Variants in RGS6 observed in about 807,000 individuals in gnomAD.
The protein encoded by RGS6 is regulator of G protein signaling 6, also known as regulator of G-protein signaling 6.
RGS6 carries 30 observed loss-of-function variants against 78.5 expected under a neutral mutation model. The ratio of observed to expected loss-of-function variants is 0.38; its 90% CI spans 0.29 to 0.52. RGS6 has a LOEUF of 0.52. RGS6 is among the 20% of genes least tolerant of loss of function. The probability of loss-of-function intolerance (pLI) is 0.85; values close to 1 mark genes in which losing one functional copy is unlikely to be tolerated. For synonymous variants in RGS6, 206 were observed against 206.0 expected (o/e 1.00, Z 0.00); for missense variants, 495 against 609.7 (o/e 0.81, Z 1.98).
At chr14:72,082,461 C>T (rs2094864420) in intron 2 of RGS6, among the ~76,000 whole-genome samples, 1 of 151,964 alleles carries the variant, frequency 6.6e-6, no homozygotes, top group Non-Finnish European at 1.5e-5. Context: ...TGTATAGAAA[C>T]ACCTCTGAGT....
rs574796210 is a variant in RGS6 at position 72,078,482 on chromosome 14, C to T, written c.84+113607C>T. On this transcript the variant is annotated intron_variant, in intron 2 of 17. Coordinates refer to ENST00000553525, the MANE Select transcript of RGS6 (RefSeq NM_001204424.2). ...AGGCTAGAGTGCAGTGGCGCCATCT[C>T]AGCTCACTGCAACCTCCGCCTCCCA... Among the ~76,000 whole-genome samples the T allele has an allele frequency of 1.3e-3, 191 of 152,188 alleles. 2 individuals carry two copies. Among genetic ancestry groups the T allele is most frequent in the African/African-American group, 4.4e-3 (182 of 41,520 alleles).
intron 2 of RGS6, among the ~76,000 whole-genome samples, chr14:72,317,750 G>T (rs2070724486): frequency 2.6e-5 from 4 of 152,140 alleles, no homozygotes; most frequent in Admixed American, 2.6e-4. Flanking sequence ...CAGAAAAGAA[G>T]CTCTTCCCAG....
chr14:72,619,115 CAT>C, the RGS6 span, among the ~76,000 whole-genome samples: 1 of 152,226 alleles, frequency 6.6e-6, no homozygotes, highest in Non-Finnish European at 1.5e-5. Flanking sequence ...AAGTTCCGTA[CAT>C]ATCGGGGGAG....
intron 2 of RGS6, among the ~76,000 whole-genome samples, chr14:72,027,355 A>G (rs1014977664): frequency 1.3e-5 from 2 of 152,202 alleles, no homozygotes; most frequent in African/African-American, 2.4e-5. Flanking sequence ...ACCTTACTGT[A>G]TATCTATAAA....
rs140575155 is a variant in RGS6, at chr14:72,089,523, G to A, written c.84+124648G>A. ...ACAATGTATCTTTCCTGTTAGATAC[G>A]AAGATTATCTGCTCTATCCAATTTG... On this transcript the variant is annotated intron_variant, in intron 2 of 17. Coordinates refer to ENST00000553525, the MANE Select transcript of RGS6 (RefSeq NM_001204424.2). Among the ~76,000 whole-genome samples, 301 of 152,290 alleles carry A rather than the reference G, an allele frequency of 2.0e-3. 1 individual carries two copies. Among genetic ancestry groups the A allele is most frequent in the Non-Finnish European group, 2.4e-3 (164 of 68,022 alleles).
intron 3 of RGS6, among the ~76,000 whole-genome samples, chr14:72,394,494 T>C (rs1199963107): frequency 2.0e-5 from 3 of 152,202 alleles, no homozygotes; most frequent in Admixed American, 6.5e-5. Context: ...GCGGCCATTT[T>C]AGAGACCTCC....
chr14:72,600,397 CCTT>C, the RGS6 span, among the ~76,000 whole-genome samples: 25 of 145,472 alleles, frequency 1.7e-4, no homozygotes, highest in Admixed American at 1.5e-3. Context: ...TGACGAACAT[CCTT>C]CTCCTTCCAT....
intron 3 of RGS6, among the ~76,000 whole-genome samples, chr14:72,446,256 C>A (rs1342128341): frequency 6.6e-6 from 1 of 152,150 alleles, no homozygotes; most frequent in Non-Finnish European, 1.5e-5. Context: ...GAACCATAGA[C>A]AATAAATTGC....
intron 17 of RGS6, among the ~76,000 whole-genome samples, chr14:72,557,330 A>G (rs887376777): frequency 6.6e-6 from 1 of 152,230 alleles, no homozygotes; most frequent in Non-Finnish European, 1.5e-5. Context: ...CCCCAGTTTT[A>G]GACATCATTG....
At chr14:71,963,818 A>G (rs1461684711) in intron 1 of RGS6, among the ~76,000 whole-genome samples, 2 of 152,180 alleles carry the variant, frequency 1.3e-5, no homozygotes, top group Admixed American at 6.5e-5. Flanking sequence ...TAGTGCTGCT[A>G]TGAACATTTG....
chr14:72,550,697 C>T (rs2097493095), intron 17 of RGS6: 12 of 1,420,946 alleles, frequency 8.4e-6, no homozygotes, highest in Non-Finnish European at 1.1e-5. Context: ...TGAGTCATCA[C>T]AATCCGGTGG....
At chr14:72,429,495 T>G (rs542074249) in intron 3 of RGS6, among the ~76,000 whole-genome samples, 13 of 151,686 alleles carry the variant, frequency 8.6e-5, no homozygotes, top group African/African-American at 2.9e-4. Flanking sequence ...TGAAGGAGAG[T>G]AGAGGAGAGG....
chr14:71,945,072 T>C (rs2091307109), intron 1 of RGS6, among the ~76,000 whole-genome samples: 1 of 152,202 alleles, frequency 6.6e-6, no homozygotes. Flanking sequence ...ATGACTGTAA[T>C]TGGTTATTAA....
chr14:72,483,963 C>T (rs1385179853), intron 12 of RGS6, among the ~76,000 whole-genome samples: 2 of 141,094 alleles, frequency 1.4e-5, no homozygotes, highest in South Asian at 4.5e-4. Flanking sequence ...CCACCTTCTC[C>T]AAGTGAAAAA....
chr14:71,876,604 A>T, the RGS6 span, among the ~76,000 whole-genome samples: 1 of 148,442 alleles, frequency 6.7e-6, no homozygotes, highest in Non-Finnish European at 1.5e-5. Context: ...AATACAGCAC[A>T]CTGATGGGTC....
intron 2 of RGS6, among the ~76,000 whole-genome samples, chr14:72,283,172 C>T (rs2061882892): frequency 6.6e-6 from 1 of 152,064 alleles, no homozygotes; most frequent in Admixed American, 6.5e-5. Context: ...TTCTTTCATC[C>T]ATCAATGAGA....
At chr14:72,412,175 C>T (rs912476605) in intron 3 of RGS6, among the ~76,000 whole-genome samples, 11 of 152,074 alleles carry the variant, frequency 7.2e-5, no homozygotes, top group African/African-American at 1.7e-4. Context: ...TGGTAGAATT[C>T]GGCTGTGAAT....
chr14:72,433,344 G>T (rs2094742554), intron 3 of RGS6, among the ~76,000 whole-genome samples: 3 of 151,298 alleles, frequency 2.0e-5, no homozygotes, highest in Admixed American at 6.6e-5. Context: ...GGGGGTTGGG[G>T]TATGGGGAGG....
intron 17 of RGS6, among the ~76,000 whole-genome samples, chr14:72,548,830 T>C (rs1420186538): frequency 6.6e-6 from 1 of 152,158 alleles, no homozygotes; most frequent in Non-Finnish European, 1.5e-5. Context: ...GATAGGTAGA[T>C]ACTAAAAATA....
Sources: allele counts gnomAD v4.1 joint callset (sites outside exome capture counted in the v4.1 genomes callset), GRCh38; gene constraint gnomAD v4.1.1; transcripts MANE v1.5; gene names NCBI Gene and HGNC (gene_info 2026-07-23, HGNC 2026-07-21).